The following NUP93 variants were observed in gnomAD, a reference collection of about 807,000 sequenced individuals.
NUP93 encodes nuclear pore complex protein Nup93.
Under a neutral mutation model 107.8 loss-of-function variants are expected in NUP93, and 55 were observed. The observed-to-expected ratio is 0.51, with a 90% CI of 0.41 to 0.64. The LOEUF is 0.64. NUP93 is among the 30% of genes least tolerant of loss of function. NUP93 has a pLI of 0.00. For missense variants in NUP93, 937 were observed against 1,044.7 expected (o/e 0.90, Z 1.42); for synonymous variants, 390 against 397.5 (o/e 0.98, Z 0.22).
chr16:56,834,220 C>G lies in NUP93; in HGVS notation c.1630C>G (p.Pro544Ala). The change falls in exon 14 of 22, where the codon CCA becomes GCA. Residue 544 changes from proline to alanine, a missense_variant. Transcript: ENST00000308159. ...LYTRKFESTD[P>A]REALQYFYFL... ...CACCCGGAAGTTTGAGTCCACGGAC[C>G]CAAGGGAGGCCCTCCAGTACTTCTA... 1 of 1,614,098 alleles carries G rather than the reference C, an allele frequency of 6.2e-7. No homozygotes were observed. The highest frequency in any genetic ancestry group is 8.5e-7 in the Non-Finnish European group (1 of 1,180,016).
chr16:56,775,144 A>G (rs1962394300), intron 3 of NUP93, among the ~76,000 whole-genome samples: 1 of 151,822 alleles, frequency 6.6e-6, no homozygotes, highest in Non-Finnish European at 1.5e-5. Flanking sequence ...CAAGCGATCC[A>G]CCTACTTTGG....
chr16:56,819,872 C>T (rs923788721), intron 6 of NUP93, among the ~76,000 whole-genome samples: 2 of 152,180 alleles, frequency 1.3e-5, no homozygotes, highest in African/African-American at 4.8e-5. Flanking sequence ...CTGAAACCCC[C>T]AGCTTCATCA....
At chr16:56,833,493 G>A (rs569242735) in intron 13 of NUP93, 87 bp downstream of exon 13, 2 of 1,093,942 alleles carry the variant, frequency 1.8e-6, no homozygotes, top group East Asian at 5.8e-5. Flanking sequence ...CAACCAATAA[G>A]GATTTGAGCA....
At position 56,834,376 on chromosome 16, in the gene NUP93, G is replaced by C. The variant is rs145268951; in HGVS notation, c.1671G>C (p.Glu557Asp). Residue 557 changes from glutamate (E) to aspartate (D), a missense_variant, in exon 15 of 22, where the codon GAG becomes GAC. Glu to Asp is a conservative substitution (Grantham distance 45). Coordinates refer to ENST00000308159, the MANE Select transcript of NUP93 (RefSeq NM_014669.5). ...ALQYFYFLRD[E>D]KDSQGENMFL... is the part of the protein sequence containing the mutation. ...TTGTTTATTTCCCTTACAGGGATGA[G>C]AAAGATAGTCAAGGAGAAAACATGT... 40 of 1,614,116 alleles carry C rather than the reference G, an allele frequency of 2.5e-5. No individual in the cohort carries two copies. Among genetic ancestry groups the C allele is most frequent in the Non-Finnish European group, 5.1e-6 (6 of 1,180,040 alleles).
At chr16:56,827,248 A>G (rs760794606) in intron 8 of NUP93, among the ~76,000 whole-genome samples, 1 of 152,078 alleles carries the variant, frequency 6.6e-6, no homozygotes, top group Middle Eastern at 3.2e-3. Context: ...GAATTGGACT[A>G]TTTAATCTTG....
chr16:56,739,506 G>T (rs1348075544), intron 1 of NUP93, among the ~76,000 whole-genome samples: 170 of 101,682 alleles, frequency 1.7e-3, no homozygotes, highest in Middle Eastern at 6.6e-3. Context: ...GGACGGGGCG[G>T]CTGGCCGGGC....
intron 4 of NUP93, among the ~76,000 whole-genome samples, chr16:56,800,988 A>C (rs1963008027): frequency 6.6e-6 from 1 of 152,208 alleles, no homozygotes; most frequent in South Asian, 2.1e-4. Flanking sequence ...ACATAACAAA[A>C]ACTTGAAAGA....
intron 1 of NUP93, among the ~76,000 whole-genome samples, chr16:56,743,112 C>T (rs191446122): frequency 3.3e-5 from 5 of 152,102 alleles, no homozygotes; most frequent in Admixed American, 1.3e-4. Flanking sequence ...CTTTCTAGCT[C>T]GATTAAATAT....
intron 3 of NUP93, among the ~76,000 whole-genome samples, chr16:56,773,580 C>T (rs866935937): frequency 2.0e-5 from 3 of 152,198 alleles, no homozygotes; most frequent in Non-Finnish European, 2.9e-5. Flanking sequence ...TAGAGTGTGG[C>T]GCTCAGACCA....
At chr16:56,813,465 T>A (rs1299646951) in intron 5 of NUP93, among the ~76,000 whole-genome samples, 8 of 152,232 alleles carry the variant, frequency 5.3e-5, no homozygotes, top group African/African-American at 1.9e-4. Context: ...ATGGACCCAG[T>A]TCACCTGTTA....
chr16:56,764,485 G>A (rs1439003230), intron 3 of NUP93, among the ~76,000 whole-genome samples: 2 of 152,132 alleles, frequency 1.3e-5, no homozygotes, highest in Non-Finnish European at 2.9e-5. Flanking sequence ...GAGAGACTCT[G>A]TCTCAAAAAA....
At chr16:56,739,527 ACCC>A (rs1185216992) in intron 1 of NUP93, among the ~76,000 whole-genome samples, 1 of 38,650 alleles carries the variant, frequency 2.6e-5, no homozygotes, top group African/African-American at 1.0e-4. Context: ...GGGGGGGCTG[ACCC>A]CCCCCCACCT....
chr16:56,831,685 G>A (rs1393754122), intron 10 of NUP93, 157 bp from the exon 11 acceptor site: 1 of 683,986 alleles, frequency 1.5e-6, no homozygotes, highest in Non-Finnish European at 2.4e-6. Flanking sequence ...TAAAGCGATG[G>A]TACCGAGGGG....
chr16:56,732,255 A>G (rs1200677224), intron 1 of NUP93, among the ~76,000 whole-genome samples: 1 of 152,122 alleles, frequency 6.6e-6, no homozygotes, highest in African/African-American at 2.4e-5. Flanking sequence ...GGGGATTTTT[A>G]TCTGTTTTGT....
chr16:56,786,347 C>A (rs1210728137), intron 3 of NUP93, among the ~76,000 whole-genome samples: 1 of 152,188 alleles, frequency 6.6e-6, no homozygotes. Flanking sequence ...CAAGGTCATA[C>A]ATCTGGAAAG....
At chr16:56,772,404 G>A (rs1962338385) in intron 3 of NUP93, among the ~76,000 whole-genome samples, 1 of 152,184 alleles carries the variant, frequency 6.6e-6, no homozygotes, top group Non-Finnish European at 1.5e-5. Flanking sequence ...CTTATGCCTT[G>A]CTGAGGAAGG....
At chr16:56,771,096 G>C (rs1490282469) in intron 3 of NUP93, among the ~76,000 whole-genome samples, 4 of 152,184 alleles carry the variant, frequency 2.6e-5, no homozygotes, top group Non-Finnish European at 5.9e-5. Context: ...TATTTGGAAG[G>C]CTGGTTATTG....
intron 5 of NUP93, among the ~76,000 whole-genome samples, chr16:56,817,836 C>T (rs1320711856): frequency 3.3e-5 from 5 of 152,118 alleles, no homozygotes; most frequent in African/African-American, 7.2e-5. Flanking sequence ...AGGTATGTAG[C>T]CTAGGAGCAA....
At position 56,798,464 on chromosome 16, in the gene NUP93, C is replaced by T. The variant is rs368419147; in HGVS notation, c.298-12C>T. On this transcript the variant is annotated splice_polypyrimidine_tract_variant and intron_variant, in intron 3 of 21. Transcript: ENST00000308159. Reference sequence around the variant, plus strand: ...TTAATTTTAAGTTGTGTTAATTTTCCCCCATTTATAGGGCTTCCTGAAGAA... The same window carrying T: ...TTAATTTTAAGTTGTGTTAATTTTCTCCCATTTATAGGGCTTCCTGAAGAA... 2 of 1,611,890 alleles carry T rather than the reference C, an allele frequency of 1.2e-6. No homozygotes were observed. The highest frequency in any genetic ancestry group is 8.5e-7 in the Non-Finnish European group (1 of 1,178,158).
Sources: gnomAD v4.1 joint callset for allele counts (sites outside exome capture counted in the v4.1 genomes callset) on GRCh38, gnomAD v4.1.1 for gene constraint, MANE v1.5 for transcripts, NCBI Gene and HGNC (gene_info 2026-07-23, HGNC 2026-07-21) for gene names.